The following GOLGB1 variants were observed in gnomAD, a reference collection of about 807,000 sequenced individuals.
The protein encoded by GOLGB1 is golgin B1, also known as golgin subfamily B member 1.
Under a neutral mutation model 336.9 loss-of-function variants are expected in GOLGB1, and 174 were observed. The observed-to-expected ratio is 0.52, with a 90% CI of 0.46 to 0.59. GOLGB1 has a LOEUF of 0.59. Among genes scored for constraint, GOLGB1 ranks in the 20% least tolerant of loss-of-function variants. The probability of loss-of-function intolerance (pLI) is 0.00; values close to 1 mark genes in which losing one functional copy is unlikely to be tolerated. For synonymous variants in GOLGB1, 1,208 were observed against 1,289.2 expected (o/e 0.94, Z 1.35); for missense variants, 3,331 against 3,645.3 (o/e 0.91, Z 2.22).
intron 1 of GOLGB1, among the ~76,000 whole-genome samples, chr3:121,736,924 C>T (rs554960813): frequency 2.7e-5 from 4 of 147,016 alleles, no homozygotes; most frequent in East Asian, 2.0e-4. Flanking sequence ...AATAAATAAA[C>T]GCAAGGCAGT....
Position 121,694,872 on chromosome 3 carries a change from G to C in GOLGB1, c.5651C>G (p.Thr1884Arg), listed in dbSNP as rs1297580705. The change falls in exon 13 of 22, where the codon ACA becomes AGA. Residue 1884 changes from threonine to arginine, a missense_variant. Coordinates refer to ENST00000614479, the MANE Select transcript of GOLGB1 (RefSeq NM_001366282.2). ...AAGCATTTTTAGTTCACCATCCTTT[G>C]TTGATATCTGACTCAGTAAGGTATT... ...EKNTLLSQIS[T>R]KDGELKMLQE... 6.2e-7 allele frequency: 1 copy of C among 1,613,764 alleles called. No homozygotes were observed.
At chr3:121,722,547 CAGA>C (rs1279469023) in intron 5 of GOLGB1, among the ~76,000 whole-genome samples, 169 bp from the exon 6 acceptor site, 5 of 152,214 alleles carry the variant, frequency 3.3e-5, no homozygotes, top group East Asian at 3.9e-4. Context: ...TTTTATTTGT[CAGA>C]AGAAGACAGA....
chr3:121,720,528 G>A (rs1186874642), intron 6 of GOLGB1, among the ~76,000 whole-genome samples: 2 of 152,200 alleles, frequency 1.3e-5, no homozygotes, highest in Non-Finnish European at 2.9e-5. Flanking sequence ...TTAGCTGTTA[G>A]CTTGCCTATT....
chr3:121,688,311 G>A (rs1040277414), intron 14 of GOLGB1, among the ~76,000 whole-genome samples: 15 of 152,252 alleles, frequency 9.9e-5, no homozygotes, highest in East Asian at 1.9e-4. Context: ...TCAGCCTGCC[G>A]AGTGCCTGCG....
intron 14 of GOLGB1, 134 bp from the exon 15 acceptor site, chr3:121,681,999 T>C (rs1046496684): frequency 1.5e-6 from 1 of 645,736 alleles, no homozygotes; most frequent in Non-Finnish European, 2.7e-6. Flanking sequence ...TGATGACATA[T>C]CACTGCAACA....
At chr3:121,710,176 A>G (rs776870444) in intron 10 of GOLGB1, among the ~76,000 whole-genome samples, 18 of 151,986 alleles carry the variant, frequency 1.2e-4, no homozygotes, top group Non-Finnish European at 1.9e-4. Context: ...AAACCTTCCT[A>G]AAACTCCAGA....
chr3:121,702,774 T>A (rs190911955), intron 10 of GOLGB1, among the ~76,000 whole-genome samples, 179 bp from the exon 11 acceptor site: 3 of 152,332 alleles, frequency 2.0e-5, no homozygotes, highest in East Asian at 1.9e-4. Flanking sequence ...ATCTAAAGAT[T>A]TAGAAAAAGA....
In GOLGB1 at chr3:121,697,294, C is replaced by T. The variant is rs751985739; in HGVS notation, c.3229G>A (p.Glu1077Lys). Residue 1077 changes from glutamate to lysine, a missense_variant, in exon 13 of 22, where the codon GAA becomes AAA. Coordinates refer to ENST00000614479, the MANE Select transcript of GOLGB1 (RefSeq NM_001366282.2). ...LKQTISEKEV[E>K]LQHIRKDLEE... The stretch of plus-strand genomic sequence containing the variant: ...AAATCCTTCCTTATATGCTGTAGTT[C>T]CACTTCTTTCTCAGATATTGTCTGT... 6.2e-6 allele frequency: 10 copies of T among 1,613,566 alleles called. No homozygotes were observed. Among genetic ancestry groups the T allele is most frequent in the African/African-American group, 2.7e-5 (2 of 74,880 alleles).
intron 10 of GOLGB1, among the ~76,000 whole-genome samples, chr3:121,703,083 C>T (rs1319982713): frequency 1.3e-5 from 2 of 152,004 alleles, no homozygotes; most frequent in African/African-American, 2.4e-5. Flanking sequence ...ATAAAAATTC[C>T]CTTGGCTTAA....
intron 10 of GOLGB1, among the ~76,000 whole-genome samples, chr3:121,713,113 G>T (rs1944480863): frequency 6.6e-6 from 1 of 151,966 alleles, no homozygotes; most frequent in Admixed American, 6.6e-5. Flanking sequence ...AGTGAGCCGA[G>T]ATCGCACCAC....
chr3:121,664,290 GC>G lies in GOLGB1; in HGVS notation c.*189del, dbSNP rs1194064559. On this transcript the variant is annotated 3_prime_UTR_variant, in exon 22 of 22. Transcript: ENST00000614479. ...TTCAGGCTCAGGGCAGTAGAAGAAA[GC>G]AGACTCGCCAGTCCCTGCAGCTCCA... 4.9e-6 allele frequency: 3 copies of G among 606,302 alleles called. No homozygotes were observed. The highest frequency in any genetic ancestry group is 8.9e-6 in the Non-Finnish European group (3 of 335,692). 37.6% of individuals were successfully genotyped at this position (606,302 alleles called of 1,614,324 possible).
At chr3:121,721,625 C>G (rs1440629678) in intron 6 of GOLGB1, among the ~76,000 whole-genome samples, 1 of 152,046 alleles carries the variant, frequency 6.6e-6, no homozygotes, top group Non-Finnish European at 1.5e-5. Context: ...CAGAGTGAGA[C>G]CCAATTTCAA....
chr3:121,690,814 T>G lies in GOLGB1; in HGVS notation c.8550A>C (p.Arg2850Ser). 6.2e-7 allele frequency: 1 copy of G among 1,607,888 alleles called. No homozygotes were observed. Among genetic ancestry groups the G allele is most frequent in the Non-Finnish European group, 8.5e-7 (1 of 1,177,386 alleles). The change falls in exon 14 of 22, where the codon AGA (arginine) becomes AGC (serine). Residue 2850 changes from arginine (R) to serine (S), a missense_variant. Arg to Ser is a moderately radical substitution (Grantham distance 110). Coordinates refer to ENST00000614479, the MANE Select transcript of GOLGB1 (RefSeq NM_001366282.2). ...SKAMASLQNERDHLWNELEKF... is the reference protein window; with the variant it reads ...SKAMASLQNESDHLWNELEKF... ...TCTCCAGCTCATTCCACAGGTGATC[T>G]CTCTCATTCTGCAGACTGGCCATAG...
intron 1 of GOLGB1, among the ~76,000 whole-genome samples, chr3:121,738,528 C>T (rs1266968822): frequency 6.6e-6 from 1 of 152,122 alleles, no homozygotes; most frequent in Non-Finnish European, 1.5e-5. Flanking sequence ...AGTACAACAC[C>T]AAGAGGACCT....
At chr3:121,710,841 A>T (rs1944298018) in intron 10 of GOLGB1, among the ~76,000 whole-genome samples, 1 of 150,274 alleles carries the variant, frequency 6.7e-6, no homozygotes, top group South Asian at 2.1e-4. Flanking sequence ...TGGGTGATGG[A>T]GTGACTCTGT....
At position 121,694,246 on chromosome 3, in the gene GOLGB1, G is replaced by T; in HGVS notation, c.6277C>A (p.Gln2093Lys). The T allele has an allele frequency of 6.2e-7, 1 of 1,610,590 alleles. No individual in the cohort carries two copies. The highest frequency in any genetic ancestry group is 1.1e-5 in the South Asian group (1 of 91,072). Reference protein sequence around the residue: ...ASFKVLLDDTQSEAARVLADN... With the variant: ...ASFKVLLDDTKSEAARVLADN... ...GCTAGGACCCTTGCTGCTTCACTTT[G>T]AGTGTCATCTAGCAGGACTTTGAAG... The change falls in exon 13 of 22, where the codon CAA becomes AAA. Residue 2093 changes from glutamine to lysine, a missense_variant. Coordinates refer to ENST00000614479, the MANE Select transcript of GOLGB1 (RefSeq NM_001366282.2).
chr3:121,670,757 G>C lies in GOLGB1; in HGVS notation c.9178-1402C>G, dbSNP rs903597807. On this transcript the variant is annotated intron_variant, in intron 17 of 21. Transcript: ENST00000614479. ...AAGAAAATCATAGGGTTTTCTTTTG[G>C]GGGGGGGGGTGTGGGAGGAGGTGGG... Among the ~76,000 whole-genome samples the C allele has an allele frequency of 3.7e-5, 5 of 136,154 alleles. 1 individual carries two copies. Among genetic ancestry groups the C allele is most frequent in the East Asian group, 2.1e-4 (1 of 4,778 alleles). The allele number at this position is 136,154 out of a possible 152,430, so 89.3% of individuals were successfully genotyped here. A position where few individuals can be genotyped will look rare whatever the true frequency, so the allele number is the denominator to read the frequency against.
At chr3:121,679,541 G>A (rs905197325) in intron 15 of GOLGB1, among the ~76,000 whole-genome samples, 52 of 152,180 alleles carry the variant, frequency 3.4e-4, no homozygotes, top group Admixed American at 3.1e-3. Context: ...AAAGGACCAG[G>A]AAGGGACAGT....
chr3:121,681,981 C>G (rs1941123776), intron 14 of GOLGB1, 116 bp from the exon 15 acceptor site: 3 of 691,202 alleles, frequency 4.3e-6, no homozygotes, highest in Non-Finnish European at 7.6e-6. Flanking sequence ...CAGCACCTAA[C>G]AGTCCACTGA....
Sources: allele counts gnomAD v4.1 joint callset (sites outside exome capture counted in the v4.1 genomes callset), GRCh38; gene constraint gnomAD v4.1.1; transcripts MANE v1.5; gene names NCBI Gene and HGNC (gene_info 2026-07-23, HGNC 2026-07-21).